The following YTHDF2 variants were observed in gnomAD, a reference collection of about 807,000 sequenced individuals.
YTHDF2 encodes the protein YTH domain-containing family protein 2.
A neutral mutation model predicts 50.4 loss-of-function variants in YTHDF2; 2 were observed. The ratio of observed to expected loss-of-function variants is 0.04; its 90% CI spans 0.02 to 0.12. The LOEUF is 0.12. Ranked by LOEUF, YTHDF2 falls within the 10% of genes least tolerant of loss-of-function variation. The pLI is 1.00. For missense variants in YTHDF2, 483 were observed against 722.6 expected, an observed-to-expected ratio of 0.67 and a Z score of 3.80; for synonymous variants, 217 against 255.6, an observed-to-expected ratio of 0.85 and a Z score of 1.44.
intron 3 of YTHDF2, chr1:28,738,963 GTCT>G (rs1570459520): frequency 6.6e-6 from 1 of 152,206 alleles, no homozygotes; most frequent in East Asian, 1.9e-4. Flanking sequence ...ATGAATAATT[GTCT>G]TCTTCCTTAC....
chr1:28,750,131 C>T (rs2087929212), intron 4 of YTHDF2, among the ~76,000 whole-genome samples: 1 of 151,458 alleles, frequency 6.6e-6, no homozygotes, highest in Admixed American at 6.6e-5. Context: ...GCTGGGAGTA[C>T]AGGCAGCTAC....
rs779553234 is a variant in YTHDF2 at position 28,742,426 on chromosome 1, A to G, written c.156A>G (p.Ser52=). Residue 52 remains serine (S), a synonymous_variant, in exon 4 of 5, where the codon TCA becomes TCG. Coordinates refer to ENST00000373812, the MANE Select transcript of YTHDF2 (RefSeq NM_016258.3). Reference sequence around the variant, plus strand: ...AGAATAATGCATATACTGCCATGTCAGATTCCTACTTACCCAGTTACTACA... The same window carrying G: ...AGAATAATGCATATACTGCCATGTCGGATTCCTACTTACCCAGTTACTACA... ...ARPNNAYTAM[S]DSYLPSYYSP... 6.4e-7 allele frequency: 1 copy of G among 1,573,468 alleles called. No individual in the cohort carries two copies. Among genetic ancestry groups the G allele is most frequent in the Non-Finnish European group, 8.6e-7 (1 of 1,163,202 alleles).
chr1:28,739,739 G>A (rs569718885), intron 3 of YTHDF2, among the ~76,000 whole-genome samples: 74 of 152,122 alleles, frequency 4.9e-4, no homozygotes, highest in Non-Finnish European at 8.4e-4. Context: ...AATAACGTTG[G>A]AGGTTTTTGT....
intron 4 of YTHDF2, among the ~76,000 whole-genome samples, chr1:28,754,068 A>G (rs556849626): frequency 4.6e-5 from 7 of 152,206 alleles, no homozygotes; most frequent in South Asian, 2.1e-4. Context: ...TAATTAGGGA[A>G]TAACAGTTTG....
intron 4 of YTHDF2, among the ~76,000 whole-genome samples, chr1:28,746,964 C>A (rs955595053): frequency 5.3e-5 from 8 of 151,940 alleles, no homozygotes; most frequent in Admixed American, 5.2e-4. Flanking sequence ...TGCCTGTAAT[C>A]CCAGCTACTT....
intron 4 of YTHDF2, among the ~76,000 whole-genome samples, chr1:28,757,131 C>G (rs1394831087): frequency 2.0e-5 from 3 of 152,302 alleles, no homozygotes; most frequent in Admixed American, 2.0e-4. Flanking sequence ...CAAATAGTCC[C>G]TCGTTGAACT....
chr1:28,740,058 C>G (rs2087752805), intron 3 of YTHDF2, among the ~76,000 whole-genome samples: 2 of 152,186 alleles, frequency 1.3e-5, no homozygotes, highest in South Asian at 4.1e-4. Context: ...TGTAGAATCC[C>G]TGTGTAAAAT....
intron 3 of YTHDF2, among the ~76,000 whole-genome samples, chr1:28,738,617 C>T (rs2087731215): frequency 6.6e-6 from 1 of 152,224 alleles, no homozygotes; most frequent in East Asian, 1.9e-4. Context: ...GCTAGTTTTT[C>T]TATTTTTTTA....
intron 4 of YTHDF2, among the ~76,000 whole-genome samples, chr1:28,744,647 G>A (rs931367920): frequency 2.6e-5 from 4 of 152,172 alleles, no homozygotes; most frequent in African/African-American, 7.2e-5. Flanking sequence ...ACTGGTTGGA[G>A]CAGATAATGA....
At chr1:28,766,014 C>G (rs79121912) in intron 4 of YTHDF2, among the ~76,000 whole-genome samples, 124 of 152,280 alleles carry the variant, frequency 8.1e-4, no homozygotes, top group Non-Finnish European at 1.5e-3. Context: ...TATCAGTTGT[C>G]TTAATGTCCT....
chr1:28,740,318 G>T (rs1217105696), intron 3 of YTHDF2: 1 of 152,182 alleles, frequency 6.6e-6, no homozygotes, highest in Non-Finnish European at 1.5e-5. Context: ...GCATGTGGGA[G>T]CCTGCCAGTT....
Position 28,742,698 on chromosome 1 carries a change from C to G in YTHDF2, c.428C>G (p.Ser143Cys). ...AWGNNSSQGQ[S>C]TQSSGYSSNY... ...GGAAATAACAGTTCTCAGGGACAGT[C>G]TACTCAGAGCTCTGGATATAGTAGC... The change falls in exon 4 of 5, where the codon TCT (serine) becomes TGT (cysteine). Residue 143 changes from serine (S) to cysteine (C), a missense_variant. Around this residue, in one of 4 missense-constraint regions of YTHDF2, gnomAD observed 385 missense variants for 475.8 expected, o/e 0.81. Transcript: ENST00000373812. 2 of 1,614,158 alleles carry G rather than the reference C, an allele frequency of 1.2e-6. No individual in the cohort carries two copies. Among genetic ancestry groups the G allele is most frequent in the African/African-American group, 1.3e-5 (1 of 75,024 alleles).
rs538546863 is a variant in YTHDF2, at chr1:28,769,595, T to C, written c.*643T>C. ...ACTGATTAAGTCAGGATTAATTTGA[T>C]TTCAAAGCTGAGAACAGTGGTAAAA... On this transcript the variant is annotated 3_prime_UTR_variant, in exon 5 of 5. Transcript: ENST00000373812. 1 of 152,788 alleles carries C rather than the reference T, an allele frequency of 6.5e-6. No homozygotes were observed. Among genetic ancestry groups the C allele is most frequent in the East Asian group, 1.9e-4 (1 of 5,192 alleles). 9.5% of individuals were successfully genotyped at this position (152,788 alleles called of 1,614,324 possible).
intron 4 of YTHDF2, among the ~76,000 whole-genome samples, chr1:28,754,661 A>C (rs1171994925): frequency 6.6e-6 from 1 of 152,000 alleles, no homozygotes; most frequent in Non-Finnish European, 1.5e-5. Context: ...TCTCTACTAA[A>C]AAATTAGCTG....
chr1:28,741,283 C>G (rs886708045), intron 3 of YTHDF2, among the ~76,000 whole-genome samples: 11 of 152,134 alleles, frequency 7.2e-5, no homozygotes, highest in African/African-American at 2.7e-4. Context: ...CAGGCGTGAG[C>G]CACTGTGCCC....
Position 28,737,061 on chromosome 1 carries a change from C to T in YTHDF2, c.-60C>T. Reference sequence around the variant, plus strand: ...TGCTCCCGCAGACGGGGCTCATCTGCCGCCGCCGCCGCGCTGAGGAGAGTT... The same window carrying T: ...TGCTCCCGCAGACGGGGCTCATCTGTCGCCGCCGCCGCGCTGAGGAGAGTT... On this transcript the variant is annotated 5_prime_UTR_variant, in exon 1 of 5. Transcript: ENST00000373812. 7.0e-7 allele frequency: 1 copy of T among 1,426,266 alleles called. No individual in the cohort carries two copies. Among genetic ancestry groups the T allele is most frequent in the Non-Finnish European group, 9.4e-7 (1 of 1,064,528 alleles). The allele number at this position is 1,426,266 out of a possible 1,614,324, so 88.4% of individuals were successfully genotyped here.
rs533649660 is a variant in YTHDF2 at position 28,755,453 on chromosome 1, TAGGTATAAGTAGCTC to T, written c.1716+11470_1716+11484del. On this transcript the variant is annotated intron_variant, in intron 4 of 4. Coordinates refer to ENST00000373812, the MANE Select transcript of YTHDF2 (RefSeq NM_016258.3). ...ATTTAATTCTTGTATCCTTGTGAGG[TAGGTATAAGTAGCTC>T]AGTTTTACTGATGAAAACATTAAAA... 4.2e-4 allele frequency among the ~76,000 whole-genome samples: 64 copies of T among 152,274 alleles called. 1 individual carries two copies. In the South Asian group the frequency reaches 0.013, roughly 31 times the overall value.
In YTHDF2 at chr1:28,742,941, A is replaced by T. The variant is rs180708374; in HGVS notation, c.671A>T (p.Asn224Ile). 2.5e-6 allele frequency: 4 copies of T among 1,614,022 alleles called. No homozygotes were observed. The highest frequency in any genetic ancestry group is 2.7e-5 in the African/African-American group (2 of 74,898). ...GSITSNIVAS[N>I]SLPPATIAPP... is the part of the protein sequence containing the mutation. ...ATTACTAGTAACATCGTGGCTTCCA[A>T]TAGTTTGCCTCCAGCCACCATTGCT... Residue 224 changes from asparagine to isoleucine, a missense_variant, in exon 4 of 5, where the codon AAT (asparagine) becomes ATT (isoleucine). Physicochemically the swap from Asn to Ile is moderately radical, Grantham distance 149. Around this residue, in one of 4 missense-constraint regions of YTHDF2, gnomAD observed 385 missense variants for 475.8 expected, o/e 0.81. Transcript: ENST00000373812.
At chr1:28,768,763 A>AGT (rs2088259153) in intron 4 of YTHDF2, among the ~76,000 whole-genome samples, 166 bp from the exon 5 acceptor site, 2 of 152,204 alleles carry the variant, frequency 1.3e-5, no homozygotes, top group African/African-American at 4.8e-5. Context: ...TTTAAAACAA[A>AGT]GTAAAAGCCA....
Sources: allele counts gnomAD v4.1 joint callset (sites outside exome capture counted in the v4.1 genomes callset), GRCh38; gene constraint gnomAD v4.1.1; regional missense constraint gnomAD v4.1.1; transcripts MANE v1.5; gene names NCBI Gene and HGNC (gene_info 2026-07-23, HGNC 2026-07-21).